RP9: variants seen among roughly 807,000 people sequenced by gnomAD.
RP9 encodes RP9 pre-mRNA splicing factor.
RP9 carries 23 observed loss-of-function variants against 32.6 expected under a neutral mutation model. The ratio of observed to expected loss-of-function variants is 0.71; its 90% CI spans 0.51 to 1.00. The LOEUF is 1.00. Among genes scored for constraint, RP9 ranks in the 50% least tolerant of loss-of-function variants. The pLI is 0.00. For synonymous variants in RP9, 94 were observed against 103.6 expected, an observed-to-expected ratio of 0.91 and a Z score of 0.56; for missense variants, 245 against 285.3, an observed-to-expected ratio of 0.86 and a Z score of 1.02.
chr7:33,106,422 CA>C (rs1788499235), intron 1 of RP9, among the ~76,000 whole-genome samples: 1 of 152,134 alleles, frequency 6.6e-6, no homozygotes, highest in Non-Finnish European at 1.5e-5. Flanking sequence ...GCGATCTTCC[CA>C]CCTCTACCTC....
At chr7:33,099,554 T>C in intron 2 of RP9, 118 bp from the exon 3 acceptor site, 1 of 1,072,526 alleles carries the variant, frequency 9.3e-7, no homozygotes, top group Non-Finnish European at 1.4e-6. Flanking sequence ...ATCATCTTAG[T>C]TACCCCTCAA....
At chr7:33,102,372 C>T (rs1053295666) in intron 1 of RP9, among the ~76,000 whole-genome samples, 5 of 152,122 alleles carry the variant, frequency 3.3e-5, no homozygotes, top group African/African-American at 1.2e-4. Context: ...AGTGCAGTGG[C>T]GTGATCACAG....
chr7:33,099,172 C>G, intron 3 of RP9, 135 bp downstream of exon 3: 1 of 1,028,682 alleles, frequency 9.7e-7, no homozygotes, highest in Non-Finnish European at 1.5e-6. Context: ...TGGATGCTTC[C>G]TTATCTAGAA....
chr7:33,105,846 G>T (rs986937483), intron 1 of RP9, among the ~76,000 whole-genome samples: 1 of 152,104 alleles, frequency 6.6e-6, no homozygotes, highest in Non-Finnish European at 1.5e-5. Context: ...GGGTCTCTGG[G>T]TCTTCCTTTG....
intron 1 of RP9, 75 bp from the exon 2 acceptor site, chr7:33,100,636 GC>G (rs1473299036): frequency 5.8e-6 from 7 of 1,201,724 alleles, no homozygotes; most frequent in Admixed American, 1.7e-5. Flanking sequence ...CAAAAAAGGG[GC>G]TATAGGATTT....
intron 1 of RP9, chr7:33,100,801 C>A: frequency 1.5e-6 from 1 of 659,536 alleles, no homozygotes. Flanking sequence ...GGGACTGAAC[C>A]CAGAGGAGAC....
chr7:33,096,756 T>C (rs992989071), intron 4 of RP9, among the ~76,000 whole-genome samples: 1 of 152,158 alleles, frequency 6.6e-6, no homozygotes, highest in African/African-American at 2.4e-5. Flanking sequence ...ATACAGGAAA[T>C]GGCTACTCTC....
At chr7:33,107,120 A>T (rs1304386073) in intron 1 of RP9, among the ~76,000 whole-genome samples, 1 of 152,184 alleles carries the variant, frequency 6.6e-6, no homozygotes, top group Non-Finnish European at 1.5e-5. Flanking sequence ...TGAATTTTAA[A>T]ACTACATATT....
chr7:33,100,979 C>T (rs1463033879), intron 1 of RP9: 4 of 348,778 alleles, frequency 1.1e-5, no homozygotes, highest in African/African-American at 8.6e-5. Flanking sequence ...CAGGTCTGTC[C>T]CTTGACCCTT....
intron 1 of RP9, among the ~76,000 whole-genome samples, chr7:33,107,805 G>A (rs1788519607): frequency 6.6e-6 from 1 of 152,220 alleles, no homozygotes; most frequent in Non-Finnish European, 1.5e-5. Context: ...GCAAAGAACT[G>A]TTTTCAAAGA....
chr7:33,097,518 T>A (rs1028713022), intron 3 of RP9, among the ~76,000 whole-genome samples, 156 bp from the exon 4 acceptor site: 2 of 152,186 alleles, frequency 1.3e-5, no homozygotes, highest in Non-Finnish European at 2.9e-5. Context: ...GAAACAGAGG[T>A]AAACTAATTG....
Position 33,109,278 on chromosome 7 carries a change from T to C in RP9, c.95A>G (p.Gln32Arg). ...CTGCGCGTCGTGTCGCCGCCGCTTCTGCTCCCGACGTCGCTGCAGCTCCTG... is the reference window on the plus strand; with the variant it reads ...CTGCGCGTCGTGTCGCCGCCGCTTCCGCTCCCGACGTCGCTGCAGCTCCTG... ...PEQELQRRREQKRRRHDAQQL... is the reference protein window; with the variant it reads ...PEQELQRRRERKRRRHDAQQL... Residue 32 changes from glutamine to arginine, a missense_variant, in exon 1 of 6, where the codon CAG (glutamine) becomes CGG (arginine). Around this residue, in one of 2 missense-constraint regions of RP9, gnomAD observed 182 missense variants for 175.5 expected, o/e 1.04. Coordinates refer to ENST00000297157, the MANE Select transcript of RP9 (RefSeq NM_203288.2). This position sits in a 1 kb window ranked among gnomAD's most constrained non-coding sequence, Gnocchi z 4.9. 1 of 1,488,674 alleles carries C rather than the reference T, an allele frequency of 6.7e-7. No individual in the cohort carries two copies. Among genetic ancestry groups the C allele is most frequent in the South Asian group, 1.3e-5 (1 of 79,914 alleles). The allele number at this position is 1,488,674 out of a possible 1,614,324, so 92.2% of individuals were successfully genotyped here. A position where few individuals can be genotyped will look rare whatever the true frequency, so the allele number is the denominator to read the frequency against.
intron 1 of RP9, chr7:33,100,792 G>C (rs1788412752): frequency 8.9e-6 from 6 of 672,918 alleles, no homozygotes; most frequent in South Asian, 3.0e-5. Flanking sequence ...TTCCATCCAG[G>C]GACTGAACCC....
intron 1 of RP9, among the ~76,000 whole-genome samples, chr7:33,108,514 T>C (rs749435899): frequency 6.6e-6 from 1 of 152,242 alleles, no homozygotes; most frequent in Non-Finnish European, 1.5e-5. Context: ...CCTTTTGTTC[T>C]TATTATTTTT....
At chr7:33,099,760 A>C (rs1286570432) in intron 2 of RP9, among the ~76,000 whole-genome samples, 1 of 152,122 alleles carries the variant, frequency 6.6e-6, no homozygotes, top group East Asian at 1.9e-4. Context: ...CACTACCTCA[A>C]AATATAGAAT....
At chr7:33,098,257 C>T (rs950182954) in intron 3 of RP9, among the ~76,000 whole-genome samples, 1 of 152,076 alleles carries the variant, frequency 6.6e-6, no homozygotes, top group Admixed American at 6.5e-5. Flanking sequence ...CCTGGTGGCG[C>T]ATGCCTGTAG....
chr7:33,095,364 G>A lies in RP9; in HGVS notation c.536C>T (p.Ser179Phe), dbSNP rs777685856. Residue 179 changes from serine to phenylalanine, a missense_variant, in exon 6 of 6, where the codon TCT (serine) becomes TTT (phenylalanine). This residue lies in a region of RP9 where 63 missense variants were observed against 109.8 expected (regional missense o/e 0.57). Transcript: ENST00000297157. ...SDEDRSSSSS[S>F]EGKEKHKKKK... ...TTTCTTGTGTTTCTCTTTACCTTCA[G>A]AGGAACTGGAGCTGCTCCTATCTTC... is the stretch of plus-strand genomic sequence containing the variant. 2.5e-6 allele frequency: 4 copies of A among 1,613,568 alleles called. No individual in the cohort carries two copies. The highest frequency in any genetic ancestry group is 3.4e-6 in the Non-Finnish European group (4 of 1,179,832).
intron 3 of RP9, 122 bp downstream of exon 3, chr7:33,099,185 T>G: frequency 3.5e-6 from 4 of 1,142,016 alleles, no homozygotes; most frequent in Non-Finnish European, 5.3e-6. Flanking sequence ...ATCTAGAAGA[T>G]GGAGAACGTG....
intron 2 of RP9, chr7:33,100,190 G>T (rs573211107): frequency 2.6e-6 from 1 of 379,234 alleles, no homozygotes; most frequent in Admixed American, 4.0e-5. Context: ...CTGAGCTCAA[G>T]AAACCAGCAG....
Sources: allele counts gnomAD v4.1 joint callset (sites outside exome capture counted in the v4.1 genomes callset), GRCh38; gene constraint gnomAD v4.1.1; regional missense constraint gnomAD v4.1.1; non-coding constraint Gnocchi (gnomAD v3.1); transcripts MANE v1.5; gene names NCBI Gene and HGNC (gene_info 2026-07-23, HGNC 2026-07-21).